The following HVCN1 variants were observed in gnomAD, a reference collection of about 807,000 sequenced individuals.
The protein encoded by HVCN1 is hydrogen voltage gated channel 1.
In HVCN1, 14 loss-of-function variants were observed where a neutral mutation model predicts 29.2. The ratio of observed to expected loss-of-function variants is 0.48; its 90% CI spans 0.32 to 0.75. The LOEUF (loss-of-function observed/expected upper bound fraction) is 0.75, where lower values mean the gene tolerates loss of function less well. HVCN1 is among the 30% of genes least tolerant of loss of function. HVCN1 has a pLI of 0.04. For synonymous variants in HVCN1, 131 were observed against 133.2 expected (o/e 0.98, Z 0.11); for missense variants, 263 against 341.8 (o/e 0.77, Z 1.82).
intron 4 of HVCN1, among the ~76,000 whole-genome samples, chr12:110,659,057 C>G (rs1010605301): frequency 6.6e-6 from 1 of 152,240 alleles, no homozygotes; most frequent in Non-Finnish European, 1.5e-5. Flanking sequence ...AACCCAACAA[C>G]TTAATAGCAT....
intron 5 of HVCN1, among the ~76,000 whole-genome samples, chr12:110,653,590 C>T (rs1357933648): frequency 6.6e-6 from 1 of 152,038 alleles, no homozygotes; most frequent in Non-Finnish European, 1.5e-5. Context: ...GCCTGTAATC[C>T]CAGCACTTTG....
chr12:110,687,264 C>CT (rs896154173), intron 2 of HVCN1, among the ~76,000 whole-genome samples: 1 of 149,574 alleles, frequency 6.7e-6, no homozygotes, highest in Non-Finnish European at 1.5e-5. Context: ...CACACCCCCC[C>CT]CCCCCAGCTA....
intron 3 of HVCN1, among the ~76,000 whole-genome samples, chr12:110,669,902 A>G (rs1488861110): frequency 6.6e-6 from 1 of 152,126 alleles, no homozygotes; most frequent in Non-Finnish European, 1.5e-5. Flanking sequence ...CTAAAAATAC[A>G]AAAATTAGCC....
chr12:110,683,293 T>C (rs980410767), intron 2 of HVCN1, 29 bp from the exon 3 acceptor site: 62 of 1,585,140 alleles, frequency 3.9e-5, no homozygotes, highest in Non-Finnish European at 4.9e-5. Context: ...TTTGTCCAGA[T>C]CTATCATCTT....
intron 2 of HVCN1, among the ~76,000 whole-genome samples, chr12:110,697,519 G>T (rs1165108934): frequency 2.0e-5 from 3 of 152,138 alleles, no homozygotes; most frequent in Non-Finnish European, 4.4e-5. Flanking sequence ...AGCACTTGAA[G>T]GGAGCAGAGA....
In HVCN1 at chr12:110,655,354, A is replaced by G. The variant is rs570427446; in HGVS notation, c.307-16T>C. On this transcript the variant is annotated splice_polypyrimidine_tract_variant and intron_variant, in intron 4 of 7. Coordinates refer to ENST00000242607, the MANE Select transcript of HVCN1 (RefSeq NM_032369.4). ...TGATGATGACCTGTGGGCCGAGGGA[A>G]GGTGCCAGAGATCATGAGACCCCCA... The G allele has an allele frequency of 2.8e-5, 44 of 1,598,348 alleles. No individual in the cohort carries two copies. In the South Asian group the frequency reaches 4.9e-4, roughly 18 times the overall value.
intron 3 of HVCN1, among the ~76,000 whole-genome samples, chr12:110,671,918 G>A (rs1225183208): frequency 6.6e-6 from 1 of 152,216 alleles, no homozygotes; most frequent in African/African-American, 2.4e-5. Flanking sequence ...CCACTTGCCT[G>A]AAGTCACACC....
Position 110,661,218 on chromosome 12 carries a change from G to A in HVCN1, c.252C>T (p.Ala84=). The A allele has an allele frequency of 6.2e-7, 1 of 1,613,816 alleles. No homozygotes were observed. Among genetic ancestry groups the A allele is most frequent in the Non-Finnish European group, 8.5e-7 (1 of 1,179,766 alleles). ...TCAACATGCCCCTGAAGTCAAGGGG[G>A]GCCCTGGGTGCGGGGCCAGGGGCAG... ...VAPAPGPAPR[A]PLDFRGMLRK... Residue 84 remains alanine, a synonymous_variant, in exon 4 of 8, where the codon GCC becomes GCT. Coordinates refer to ENST00000242607, the MANE Select transcript of HVCN1 (RefSeq NM_032369.4). The surrounding 1 kb of genome is among the most constrained non-coding windows in gnomAD (Gnocchi z 6.2).
rs2068758138 is a variant in HVCN1 at position 110,676,597 on chromosome 12, A to G, written c.21+6628T>C. Among the ~76,000 whole-genome samples the G allele has an allele frequency of 6.6e-6, 1 of 152,166 alleles. No individual in the cohort carries two copies. The highest frequency in any genetic ancestry group is 2.1e-4 in the South Asian group (1 of 4,830). ...GGTACCTCTGTGCCCAGCTCCAATG[A>G]AAACTCTGGGCATTGGGTCTCTAAG... On this transcript the variant is annotated intron_variant, in intron 3 of 7. Transcript: ENST00000242607. The surrounding 1 kb of genome is among the most constrained non-coding windows in gnomAD (Gnocchi z 4.1).
Position 110,661,041 on chromosome 12 carries a change from C to G in HVCN1, c.306+123G>C, listed in dbSNP as rs1458593641. On this transcript the variant is annotated intron_variant, in intron 4 of 7. Transcript: ENST00000242607. This position sits in a 1 kb window ranked among gnomAD's most constrained non-coding sequence, Gnocchi z 6.2. ...CAGGGTCCCCGGCACGTGGTAGGTG[C>G]TGGGCAAACACTCGTAGAATGAATG... The G allele has an allele frequency of 1.1e-6, 1 of 932,126 alleles. No homozygotes were observed. Among genetic ancestry groups the G allele is most frequent in the East Asian group, 2.4e-5 (1 of 41,382 alleles). The allele number at this position is 932,126 out of a possible 1,614,324, so 57.7% of individuals were successfully genotyped here.
At chr12:110,679,501 A>G (rs960517918) in intron 3 of HVCN1, among the ~76,000 whole-genome samples, 1 of 152,162 alleles carries the variant, frequency 6.6e-6, no homozygotes, top group African/African-American at 2.4e-5. Context: ...TCCGCACGCA[A>G]TCTTGTTTAA....
chr12:110,664,747 G>GT, intron 3 of HVCN1, among the ~76,000 whole-genome samples: 1 of 152,276 alleles, frequency 6.6e-6, no homozygotes, highest in Non-Finnish European at 1.5e-5. Flanking sequence ...CCAGAAATAG[G>GT]AAAGGTATGC....
chr12:110,679,945 C>T (rs960386226), intron 3 of HVCN1, among the ~76,000 whole-genome samples: 1 of 152,020 alleles, frequency 6.6e-6, no homozygotes, highest in African/African-American at 2.4e-5. Flanking sequence ...ATGAGGCTAT[C>T]TCAGCAGAAC....
At chr12:110,701,249 G>A (rs551695636) in intron 2 of HVCN1, among the ~76,000 whole-genome samples, 139 of 152,310 alleles carry the variant, frequency 9.1e-4, no homozygotes, top group South Asian at 2.3e-3. Flanking sequence ...GCTCCAGCCT[G>A]TTTTTATCAC....
chr12:110,651,458 A>G lies in HVCN1; in HGVS notation c.412-10T>C. ...TCATGTAGTGGAATACCTGAAGGGGACAAGGAACCACAGTCAGGGGAGATT... is the reference window on the plus strand; with the variant it reads ...TCATGTAGTGGAATACCTGAAGGGGGCAAGGAACCACAGTCAGGGGAGATT... On this transcript the variant is annotated splice_polypyrimidine_tract_variant and intron_variant, in intron 5 of 7. Coordinates refer to ENST00000242607, the MANE Select transcript of HVCN1 (RefSeq NM_032369.4). The G allele has an allele frequency of 6.4e-7, 1 of 1,574,214 alleles. No homozygotes were observed. The highest frequency in any genetic ancestry group is 8.7e-7 in the Non-Finnish European group (1 of 1,143,850).
intron 5 of HVCN1, among the ~76,000 whole-genome samples, chr12:110,653,600 G>A (rs887405469): frequency 9.9e-5 from 15 of 152,156 alleles, no homozygotes; most frequent in South Asian, 2.1e-4. Flanking sequence ...CCAGCACTTT[G>A]GGAGGCCGAA....
At chr12:110,693,012 C>T (rs1452732206), upstream of HVCN1, among the ~76,000 whole-genome samples, 1 of 152,004 alleles carries the variant, frequency 6.6e-6, no homozygotes, top group Non-Finnish European at 1.5e-5. Flanking sequence ...ACTACAGGCA[C>T]ATGCTACTGT....
At chr12:110,684,109 G>A (rs1413516271) in intron 2 of HVCN1, among the ~76,000 whole-genome samples, 5 of 152,026 alleles carry the variant, frequency 3.3e-5, no homozygotes, top group Non-Finnish European at 7.4e-5. Flanking sequence ...TGGTTGCCAG[G>A]GGCTGGGGAC....
chr12:110,661,409 T>C lies in HVCN1; in HGVS notation c.61A>G (p.Met21Val), dbSNP rs1352574295. 1 of 1,614,166 alleles carries C rather than the reference T, an allele frequency of 6.2e-7. No individual in the cohort carries two copies. The highest frequency in any genetic ancestry group is 2.2e-5 in the East Asian group (1 of 44,876). The change falls in exon 4 of 8, where the codon ATG becomes GTG. Residue 21 changes from methionine to valine, a missense_variant. Coordinates refer to ENST00000242607, the MANE Select transcript of HVCN1 (RefSeq NM_032369.4). This position sits in a 1 kb window ranked among gnomAD's most constrained non-coding sequence, Gnocchi z 6.2. ...RRAKVAPAER[M>V]SKFLRHFTVV... ...GTGAAGTGCCTTAAGAACTTGCTCA[T>C]CCTCTCAGCGGGAGCCACCTTGGCC...
Sources: allele counts gnomAD v4.1 joint callset (sites outside exome capture counted in the v4.1 genomes callset), GRCh38; gene constraint gnomAD v4.1.1; non-coding constraint Gnocchi (gnomAD v3.1); transcripts MANE v1.5; gene names NCBI Gene and HGNC (gene_info 2026-07-23, HGNC 2026-07-21).